SUGCT: variants seen among roughly 807,000 people sequenced by gnomAD.
SUGCT encodes succinyl-CoA:glutarate-CoA transferase.
SUGCT carries 41 observed loss-of-function variants against 55.0 expected under a neutral mutation model. The ratio of observed to expected loss-of-function variants is 0.74; its 90% CI spans 0.58 to 0.97. The LOEUF (loss-of-function observed/expected upper bound fraction) is 0.97, where lower values mean the gene tolerates loss of function less well. Ranked by LOEUF, SUGCT falls within the 50% of genes least tolerant of loss-of-function variation. SUGCT has a pLI of 0.00. For missense variants in SUGCT, 568 were observed against 547.8 expected, an observed-to-expected ratio of 1.04 and a Z score of -0.37; for synonymous variants, 187 against 200.4, an observed-to-expected ratio of 0.93 and a Z score of 0.56.
At chr7:40,179,831 C>CT (rs1393543823) in intron 1 of SUGCT, among the ~76,000 whole-genome samples, 1 of 152,182 alleles carries the variant, frequency 6.6e-6, no homozygotes, top group South Asian at 2.1e-4. Flanking sequence ...CCTGCCTCTG[C>CT]TGGCATCAAC....
intron 12 of SUGCT, among the ~76,000 whole-genome samples, chr7:40,502,606 A>G (rs1207409419): frequency 6.6e-6 from 1 of 152,062 alleles, no homozygotes; most frequent in Non-Finnish European, 1.5e-5. Context: ...AACATTAATG[A>G]AACATTTTAA....
At chr7:40,512,788 G>C (rs1793005678) in intron 12 of SUGCT, among the ~76,000 whole-genome samples, 1 of 152,118 alleles carries the variant, frequency 6.6e-6, no homozygotes, top group Non-Finnish European at 1.5e-5. Context: ...GAGAAACTCA[G>C]GTTGTATGCA....
intron 9 of SUGCT, among the ~76,000 whole-genome samples, chr7:40,358,166 A>G (rs1450905199): frequency 6.6e-6 from 1 of 152,222 alleles, no homozygotes; most frequent in Non-Finnish European, 1.5e-5. Flanking sequence ...ATCCTACACA[A>G]TATGTGGGAG....
At chr7:40,253,681 C>A (rs970183771) in intron 7 of SUGCT, among the ~76,000 whole-genome samples, 1 of 152,156 alleles carries the variant, frequency 6.6e-6, no homozygotes, top group African/African-American at 2.4e-5. Flanking sequence ...CCACCACGCA[C>A]GGCTAATTTT....
intron 9 of SUGCT, among the ~76,000 whole-genome samples, chr7:40,366,126 C>T (rs1227752071): frequency 1.3e-4 from 19 of 151,932 alleles, no homozygotes; most frequent in Non-Finnish European, 2.2e-4. Flanking sequence ...TACAACTATC[C>T]GATCTTTGAC....
At position 40,656,994 on chromosome 7, in the gene SUGCT, G is replaced by T. The variant is rs764727669; in HGVS notation, c.1090-92440G>T. On this transcript the variant is annotated intron_variant, in intron 12 of 13. Coordinates refer to ENST00000335693, the MANE Select transcript of SUGCT (RefSeq NM_001193313.2). ...CATGCACCTGCAGTTTGAAGTTTTT[G>T]TTGAGGGAATAGACTGAAATGAATG... Among the ~76,000 whole-genome samples the T allele has an allele frequency of 2.6e-5, 4 of 152,168 alleles. No individual in the cohort carries two copies. In the East Asian group the frequency reaches 7.7e-4, roughly 29 times the overall value.
intron 12 of SUGCT, among the ~76,000 whole-genome samples, chr7:40,706,313 C>T (rs1482997134): frequency 6.6e-6 from 1 of 152,126 alleles, no homozygotes; most frequent in Non-Finnish European, 1.5e-5. Flanking sequence ...TCGAGACCAG[C>T]CTGGCCAACA....
intron 9 of SUGCT, among the ~76,000 whole-genome samples, chr7:40,380,488 C>T (rs146319991): frequency 1.1e-3 from 171 of 152,278 alleles, no homozygotes; most frequent in Middle Eastern, 6.8e-3. Context: ...CTTTTGAACT[C>T]TGTGCAGCTT....
chr7:40,717,429 C>T (rs1195508724), intron 12 of SUGCT, among the ~76,000 whole-genome samples: 1 of 152,188 alleles, frequency 6.6e-6, no homozygotes, highest in African/African-American at 2.4e-5. Context: ...GTGCACAAGG[C>T]GTGAACTCCC....
chr7:40,599,862 C>G (rs1033962381), intron 12 of SUGCT, among the ~76,000 whole-genome samples: 1 of 152,138 alleles, frequency 6.6e-6, no homozygotes, highest in Non-Finnish European at 1.5e-5. Flanking sequence ...TATATGGATA[C>G]TGGTCTCAGC....
intron 12 of SUGCT, among the ~76,000 whole-genome samples, chr7:40,569,151 G>C (rs915163392): frequency 2.6e-5 from 4 of 152,134 alleles, no homozygotes; most frequent in African/African-American, 9.7e-5. Flanking sequence ...TAAGTCAATT[G>C]CTTGAAATAT....
intron 12 of SUGCT, among the ~76,000 whole-genome samples, chr7:40,571,876 T>C (rs1422575857): frequency 6.6e-6 from 1 of 152,184 alleles, no homozygotes. Context: ...AAGCAACACT[T>C]ACATAGAAAT....
At chr7:40,257,147 C>T (rs1412061312) in intron 7 of SUGCT, among the ~76,000 whole-genome samples, 1 of 152,060 alleles carries the variant, frequency 6.6e-6, no homozygotes, top group Non-Finnish European at 1.5e-5. Flanking sequence ...TGGGTTTAAG[C>T]GATTCTCCTC....
At chr7:40,621,978 A>G (rs543588757) in intron 12 of SUGCT, among the ~76,000 whole-genome samples, 3 of 152,328 alleles carry the variant, frequency 2.0e-5, no homozygotes, top group African/African-American at 4.8e-5. Context: ...GAAGCCTCCA[A>G]CTGGTTAACA....
intron 12 of SUGCT, among the ~76,000 whole-genome samples, chr7:40,659,824 A>T (rs762646611): frequency 6.6e-6 from 1 of 152,270 alleles, no homozygotes; most frequent in Middle Eastern, 3.4e-3. Flanking sequence ...CTCCTTAGAT[A>T]TACTCTACTA....
At chr7:40,411,732 A>G (rs1358151921) in intron 9 of SUGCT, among the ~76,000 whole-genome samples, 1 of 152,192 alleles carries the variant, frequency 6.6e-6, no homozygotes, top group Non-Finnish European at 1.5e-5. Flanking sequence ...ATAGTTAACA[A>G]TAATCTATTG....
chr7:40,151,324 C>G (rs1158997569), intron 1 of SUGCT, among the ~76,000 whole-genome samples: 1 of 152,168 alleles, frequency 6.6e-6, no homozygotes, highest in East Asian at 1.9e-4. Flanking sequence ...GAGGTGGCTT[C>G]CAGTCGTGTG....
intron 5 of SUGCT, among the ~76,000 whole-genome samples, chr7:40,190,768 G>T (rs1388777658): frequency 2.6e-5 from 4 of 152,040 alleles, no homozygotes; most frequent in Non-Finnish European, 5.9e-5. Flanking sequence ...TGTATTCAGG[G>T]GATTGGTTCT....
At chr7:41,032,295 C>A in the SUGCT span, among the ~76,000 whole-genome samples, 1 of 151,796 alleles carries the variant, frequency 6.6e-6, no homozygotes, top group Admixed American at 6.6e-5. Flanking sequence ...TTCAAGGGGA[C>A]AATGTCCTAC....
Sources: allele counts gnomAD v4.1 joint callset (sites outside exome capture counted in the v4.1 genomes callset), GRCh38; gene constraint gnomAD v4.1.1; transcripts MANE v1.5; gene names NCBI Gene and HGNC (gene_info 2026-07-23, HGNC 2026-07-21).